The following ZBTB16 variants were observed in gnomAD, a reference collection of about 807,000 sequenced individuals.
ZBTB16 encodes the protein zinc finger and BTB domain-containing protein 16.
In ZBTB16, 8 loss-of-function variants were observed where a neutral mutation model predicts 56.8. The observed-to-expected ratio is 0.14, with a 90% CI of 0.08 to 0.25. The LOEUF (loss-of-function observed/expected upper bound fraction) is 0.25. ZBTB16 is among the 10% of genes least tolerant of loss of function. ZBTB16 has a pLI of 1.00. For synonymous variants in ZBTB16, 363 were observed against 368.5 expected (o/e 0.98, Z 0.17); for missense variants, 625 against 903.0 (o/e 0.69, Z 3.95).
At chr11:114,107,511 C>G (rs1392288997) in intron 2 of ZBTB16, among the ~76,000 whole-genome samples, 1 of 152,124 alleles carries the variant, frequency 6.6e-6, no homozygotes, top group Non-Finnish European at 1.5e-5. Context: ...ATCTTTTCTC[C>G]CTTGGTGTCT....
intron 6 of ZBTB16, 42 bp downstream of exon 6, chr11:114,247,407 T>G: frequency 6.2e-7 from 1 of 1,612,918 alleles, no homozygotes; most frequent in South Asian, 1.1e-5. Context: ...CTCTGGGACC[T>G]GGGCGGAGGT....
chr11:114,122,982 G>A (rs1380459653), intron 2 of ZBTB16, among the ~76,000 whole-genome samples: 1 of 152,184 alleles, frequency 6.6e-6, no homozygotes, highest in Non-Finnish European at 1.5e-5. Flanking sequence ...CAAGATTAAA[G>A]TGGTAGCAGA....
intron 3 of ZBTB16, among the ~76,000 whole-genome samples, chr11:114,157,876 G>A (rs1016582824): frequency 2.6e-5 from 4 of 152,022 alleles, no homozygotes; most frequent in Non-Finnish European, 4.4e-5. Context: ...CTTCCTTCCT[G>A]TGGGCCCTCC....
intron 3 of ZBTB16, among the ~76,000 whole-genome samples, chr11:114,165,226 C>T (rs1352914163): frequency 1.3e-5 from 2 of 152,198 alleles, no homozygotes; most frequent in Non-Finnish European, 2.9e-5. Flanking sequence ...AGAATGCTCC[C>T]AGCACCTAGA....
rs921299944 is a variant in ZBTB16, at chr11:114,200,114, C to T, written c.1453+13076C>T. Among the ~76,000 whole-genome samples, 3 of 139,208 alleles carry T rather than the reference C, an allele frequency of 2.2e-5. No homozygotes were observed. The South Asian group carries it at 6.7e-4, about 31-fold the overall frequency. The allele number at this position is 139,208 out of a possible 152,430, so 91.3% of individuals were successfully genotyped here. A position where few individuals can be genotyped will look rare whatever the true frequency, so the allele number is the denominator to read the frequency against. On this transcript the variant is annotated intron_variant, in intron 4 of 6. Coordinates refer to ENST00000335953, the MANE Select transcript of ZBTB16 (RefSeq NM_006006.6). ...CTGCACTCCAGCCTGGGGGACAGAG[C>T]GAGACTCCGTCTCAAAAAAAAAAAA...
In ZBTB16 at chr11:114,232,320, G is replaced by A. The variant is rs369500902; in HGVS notation, c.1454-9847G>A. ...TACCCCCAAATGCAGGAAGTAGGGA[G>A]CCCTTTGGCTTTAGGAACCCTGAGA... On this transcript the variant is annotated intron_variant, in intron 4 of 6. Coordinates refer to ENST00000335953, the MANE Select transcript of ZBTB16 (RefSeq NM_006006.6). Among the ~76,000 whole-genome samples, 33 of 152,328 alleles carry A rather than the reference G, an allele frequency of 2.2e-4. No homozygotes were observed. In the East Asian group the frequency reaches 4.8e-3, roughly 22 times the overall value.
In ZBTB16 at chr11:114,187,116, A is replaced by G. The variant is rs762865735; in HGVS notation, c.1453+78A>G. 4.9e-5 allele frequency: 70 copies of G among 1,424,004 alleles called. 1 individual carries two copies. In the Admixed American group the frequency reaches 7.2e-4, roughly 15 times the overall value. 88.2% of individuals were successfully genotyped at this position (1,424,004 alleles called of 1,614,324 possible). A position where few individuals can be genotyped will look rare whatever the true frequency, so the allele number is the denominator to read the frequency against. On this transcript the variant is annotated intron_variant, in intron 4 of 6. Transcript: ENST00000335953. Reference sequence around the variant, plus strand: ...ATGGACATGAACTGTCTGGGTGGCAACCTCTTTTTAGCAAATGTGACATCC... The same window carrying G: ...ATGGACATGAACTGTCTGGGTGGCAGCCTCTTTTTAGCAAATGTGACATCC...
At chr11:114,113,054 C>G (rs1353704695) in intron 2 of ZBTB16, among the ~76,000 whole-genome samples, 4 of 152,164 alleles carry the variant, frequency 2.6e-5, no homozygotes, top group Non-Finnish European at 5.9e-5. Context: ...GGATTACATG[C>G]ATGAGCCGCT....
intron 2 of ZBTB16, among the ~76,000 whole-genome samples, chr11:114,111,897 C>T (rs565304449): frequency 3.0e-4 from 45 of 152,256 alleles, no homozygotes; most frequent in African/African-American, 1.1e-3. Context: ...ACACATTCTT[C>T]CTCTTCCCCT....
chr11:114,105,843 G>C (rs553666811), intron 2 of ZBTB16, among the ~76,000 whole-genome samples: 1 of 152,302 alleles, frequency 6.6e-6, no homozygotes, highest in Non-Finnish European at 1.5e-5. Context: ...GGAGATCCTT[G>C]TCTTTGCTTC....
At chr11:114,185,027 T>A (rs979576993) in intron 3 of ZBTB16, among the ~76,000 whole-genome samples, 4 of 150,868 alleles carry the variant, frequency 2.7e-5, no homozygotes, top group Non-Finnish European at 5.9e-5. Context: ...AATAAATAAA[T>A]AAAATAAAAT....
At chr11:114,125,141 T>C (rs1407259699) in intron 2 of ZBTB16, among the ~76,000 whole-genome samples, 1 of 152,198 alleles carries the variant, frequency 6.6e-6, no homozygotes, top group Non-Finnish European at 1.5e-5. Context: ...CACACACTCA[T>C]TTTAACAAGA....
rs575256775 is a variant in ZBTB16 at position 114,127,699 on chromosome 11, G to A, written c.1269-28638G>A. On this transcript the variant is annotated intron_variant, in intron 2 of 6. Transcript: ENST00000335953. ...CTCAGAATGGGGTTATTTAGGGGCT[G>A]GGGAGTCAGAAGAACTCAGAAAGGG... Among the ~76,000 whole-genome samples, 3 of 152,298 alleles carry A rather than the reference G, an allele frequency of 2.0e-5. No individual in the cohort carries two copies. In the South Asian group the frequency reaches 6.2e-4, roughly 32 times the overall value.
chr11:114,144,719 T>A (rs1040556825), intron 2 of ZBTB16, among the ~76,000 whole-genome samples: 1 of 152,214 alleles, frequency 6.6e-6, no homozygotes, highest in African/African-American at 2.4e-5. Context: ...TGCGTTTATG[T>A]TTTAATTATT....
chr11:114,245,624 G>A (rs1411482783), intron 5 of ZBTB16, among the ~76,000 whole-genome samples: 2 of 152,174 alleles, frequency 1.3e-5, no homozygotes, highest in African/African-American at 2.4e-5. Context: ...TAAAAAGGAA[G>A]TGAAGGCACA....
rs115082602 is a variant in ZBTB16 at position 114,084,043 on chromosome 11, T to C, written c.1268+19475T>C. 5.5e-3 allele frequency among the ~76,000 whole-genome samples: 838 copies of C among 152,308 alleles called. 6 individuals carry two copies. Among genetic ancestry groups the C allele is most frequent in the African/African-American group, 0.018 (766 of 41,554 alleles). On this transcript the variant is annotated intron_variant, in intron 2 of 6. Transcript: ENST00000335953. ...TTGGTGGAAGAACCAGGCTCTCACC[T>C]CCATTGTTTAAGATGTTATGTTTCT...
intron 4 of ZBTB16, among the ~76,000 whole-genome samples, chr11:114,213,055 C>T (rs545345536): frequency 2.0e-5 from 3 of 152,126 alleles, no homozygotes; most frequent in Admixed American, 2.0e-4. Flanking sequence ...CCCCATCCCC[C>T]CGACCCCCTG....
rs558425109 is a variant in ZBTB16 at position 114,143,288 on chromosome 11, A to G, written c.1269-13049A>G. ...GCTGTGCCCTTTGCAAGGCTTGAGA[A>G]TACAAGATGAATGAGGCAAAGCCCT... On this transcript the variant is annotated intron_variant, in intron 2 of 6. Coordinates refer to ENST00000335953, the MANE Select transcript of ZBTB16 (RefSeq NM_006006.6). The surrounding 1 kb of genome is among the most constrained non-coding windows in gnomAD (Gnocchi z 6.4). 7.2e-4 allele frequency among the ~76,000 whole-genome samples: 110 copies of G among 152,332 alleles called. No individual in the cohort carries two copies. Among genetic ancestry groups the G allele is most frequent in the African/African-American group, 2.5e-3 (105 of 41,576 alleles).
chr11:114,201,678 T>G (rs989592567), intron 4 of ZBTB16, among the ~76,000 whole-genome samples: 1 of 152,172 alleles, frequency 6.6e-6, no homozygotes, highest in African/African-American at 2.4e-5. Context: ...AAAAGCTGAT[T>G]AGAGAAATCA....
Sources: gnomAD v4.1 joint callset for allele counts (sites outside exome capture counted in the v4.1 genomes callset) on GRCh38, gnomAD v4.1.1 for gene constraint, Gnocchi (gnomAD v3.1) non-coding constraint, MANE v1.5 for transcripts, NCBI Gene and HGNC (gene_info 2026-07-23, HGNC 2026-07-21) for gene names.